EOMES: variants seen among roughly 807,000 people sequenced by gnomAD.
EOMES encodes eomesodermin homolog.
In EOMES, 18 loss-of-function variants were observed where a neutral mutation model predicts 61.0. The observed-to-expected ratio is 0.30, with a 90% CI of 0.20 to 0.44. EOMES has a LOEUF of 0.44. Ranked by LOEUF, EOMES falls within the 20% of genes least tolerant of loss-of-function variation. The pLI is 1.00. For synonymous variants in EOMES, 430 were observed against 394.0 expected (o/e 1.09, Z -1.08); for missense variants, 885 against 939.2 (o/e 0.94, Z 0.75).
chr3:27,718,772 G>A lies in EOMES; in HGVS notation c.1280C>T (p.Thr427Met). The A allele has an allele frequency of 6.2e-7, 1 of 1,614,160 alleles. No homozygotes were observed. The highest frequency in any genetic ancestry group is 8.5e-7 in the Non-Finnish European group (1 of 1,180,014). Residue 427 changes from threonine (T) to methionine (M), a missense_variant, in exon 4 of 6, where the codon ACG (threonine) becomes ATG (methionine). Coordinates refer to ENST00000449599, the MANE Select transcript of EOMES (RefSeq NM_001278182.2). Reference protein sequence around the residue: ...SKTQTFTFSETQFIAVTAYQN... With the variant: ...SKTQTFTFSEMQFIAVTAYQN... ...GTAGGCAGTCACTGCAATGAATTGCGTTTCTGAGAAGGTAAAAGTCTGGGT... is the reference window on the plus strand; with the variant it reads ...GTAGGCAGTCACTGCAATGAATTGCATTTCTGAGAAGGTAAAAGTCTGGGT...
At position 27,717,005 on chromosome 3, in the gene EOMES, C is replaced by A; in HGVS notation, c.*65G>T. 7.6e-7 allele frequency: 1 copy of A among 1,316,524 alleles called. No homozygotes were observed. The highest frequency in any genetic ancestry group is 1.0e-6 in the Non-Finnish European group (1 of 953,766). 81.6% of individuals were successfully genotyped at this position (1,316,524 alleles called of 1,614,324 possible). ...TTTTTGGCAACCTAGGCAAAGAAGA[C>A]AACAAAAAACACCACCAAGTCCATC... On this transcript the variant is annotated 3_prime_UTR_variant, in exon 6 of 6. Coordinates refer to ENST00000449599, the MANE Select transcript of EOMES (RefSeq NM_001278182.2). The surrounding 1 kb of genome is among the most constrained non-coding windows in gnomAD (Gnocchi z 4.5).
intron 2 of EOMES, among the ~76,000 whole-genome samples, chr3:27,719,876 C>A (rs996085546): frequency 1.3e-5 from 2 of 152,052 alleles, no homozygotes; most frequent in East Asian, 1.9e-4. Context: ...ATCCCAGGAG[C>A]CCTTCCCACC....
chr3:27,721,972 G>T lies in EOMES; in HGVS notation c.323C>A (p.Pro108His). 6.9e-7 allele frequency: 1 copy of T among 1,450,380 alleles called. No individual in the cohort carries two copies. Among genetic ancestry groups the T allele is most frequent in the Admixed American group, 3.3e-5 (1 of 30,008 alleles). The allele number at this position is 1,450,380 out of a possible 1,614,324, so 89.8% of individuals were successfully genotyped here. ...PGPPDGRKGS[P>H]CGEEELPSAA... ...GGAGGGCAGCTCCTCCTCCCCGCAG[G>T]GGGAGCCCTTGCGGCCGTCCGGGGG... The change falls in exon 1 of 6, where the codon CCC becomes CAC. Residue 108 changes from proline (P) to histidine (H), a missense_variant. By Grantham distance (77) the Pro-to-His change is moderately conservative (BLOSUM62 -2). Transcript: ENST00000449599. The surrounding 1 kb of genome is among the most constrained non-coding windows in gnomAD (Gnocchi z 7.4).
chr3:27,719,010 C>A, intron 3 of EOMES, 117 bp from the exon 4 acceptor site: 1 of 775,038 alleles, frequency 1.3e-6, no homozygotes, highest in Non-Finnish European at 2.0e-6. Flanking sequence ...TCCTCACTAA[C>A]AGCTTTGTTT....
In EOMES at chr3:27,717,379, C is replaced by T; in HGVS notation, c.1809G>A (p.Lys603=). The change falls in exon 6 of 6, where the codon AAG becomes AAA. Residue 603 remains lysine, a synonymous_variant. Transcript: ENST00000449599. The surrounding 1 kb of genome is among the most constrained non-coding windows in gnomAD (Gnocchi z 4.5). ...AGGTCCATGGTAGTCCAGCTGCCAT[C>T]TTCCTCTGGTAAGAACCTCGACCTC... ...GWGGRGSYQR[K]MAAGLPWTSR... is the part of the protein sequence containing the mutation. The T allele has an allele frequency of 6.2e-7, 1 of 1,614,188 alleles. No individual in the cohort carries two copies.
At chr3:27,719,271 T>TA in intron 3 of EOMES, 89 bp downstream of exon 3, 1 of 1,331,322 alleles carries the variant, frequency 7.5e-7, no homozygotes, top group Non-Finnish European at 1.1e-6. Flanking sequence ...GCAAATATTA[T>TA]AAATACAGTG....
rs1225079982 is a variant in EOMES at position 27,721,836 on chromosome 3, C to T, written c.459G>A (p.Gly153=). 8 of 1,518,400 alleles carry T rather than the reference C, an allele frequency of 5.3e-6. No homozygotes were observed. In the African/African-American group the frequency reaches 1.2e-4, roughly 22 times the overall value. 94.1% of individuals were successfully genotyped at this position (1,518,400 alleles called of 1,614,324 possible). ...GTGAGCAGGGCGCAGCCAGCTCCGA[C>T]CCCTGAGGACCGGGGGACTGGAGGT... ...RYYLQSPGPQ[G]SELAAPCSLF... Residue 153 remains glycine (G), a synonymous_variant, in exon 1 of 6, where the codon GGG becomes GGA. Coordinates refer to ENST00000449599, the MANE Select transcript of EOMES (RefSeq NM_001278182.2). The surrounding 1 kb of genome is among the most constrained non-coding windows in gnomAD (Gnocchi z 7.4).
At chr3:27,719,265 A>T in intron 3 of EOMES, 95 bp downstream of exon 3, 1 of 1,290,230 alleles carries the variant, frequency 7.8e-7, no homozygotes, top group South Asian at 1.4e-5. Context: ...ACAAATGCAA[A>T]TATTATAAAT....
rs1014742314 is a variant in EOMES at position 27,717,445 on chromosome 3, C to G, written c.1743G>C (p.Gly581=). 3.1e-6 allele frequency: 5 copies of G among 1,614,188 alleles called. No individual in the cohort carries two copies. The highest frequency in any genetic ancestry group is 4.2e-6 in the Non-Finnish European group (5 of 1,180,026). ...CAGGAAAGGTTGGGTCTGGGTAATA[C>G]CCCAGGGCATGGGATGTCTGAAGGG... ...SLPLQTSHAL[G]YYPDPTFPAM... is the part of the protein sequence containing the mutation. Residue 581 remains glycine, a synonymous_variant, in exon 6 of 6, where the codon GGG becomes GGC. Coordinates refer to ENST00000449599, the MANE Select transcript of EOMES (RefSeq NM_001278182.2). The surrounding 1 kb of genome is among the most constrained non-coding windows in gnomAD (Gnocchi z 4.5).
At position 27,722,193 on chromosome 3, in the gene EOMES, GCCAGCGCTC is replaced by G; in HGVS notation, c.93_101del (p.Ser32_Gly34del). ...GAGAGGGGGCCGCGCTGGGGAGGTGGCCAGCGCTCCCGCCGCTGCCGCCTCGCGCACTCT... is the reference window on the plus strand; with the variant it reads ...GAGAGGGGGCCGCGCTGGGGAGGTGGCCGCCGCTGCCGCCTCGCGCACTCT... On this transcript the variant is annotated inframe_deletion, in exon 1 of 6. Transcript: ENST00000449599. 6.3e-7 allele frequency: 1 copy of G among 1,599,062 alleles called. No homozygotes were observed. The highest frequency in any genetic ancestry group is 8.5e-7 in the Non-Finnish European group (1 of 1,174,422).
intron 2 of EOMES, among the ~76,000 whole-genome samples, 200 bp from the exon 3 acceptor site, chr3:27,719,681 A>G (rs2060596094): frequency 6.6e-6 from 1 of 152,100 alleles, no homozygotes; most frequent in African/African-American, 2.4e-5. Context: ...TGTGCTTCCA[A>G]CCTTCCTTGC....
At position 27,721,776 on chromosome 3, in the gene EOMES, G is replaced by C; in HGVS notation, c.519C>G (p.His173Gln). 6.7e-7 allele frequency: 1 copy of C among 1,498,780 alleles called. No individual in the cohort carries two copies. The highest frequency in any genetic ancestry group is 8.8e-7 in the Non-Finnish European group (1 of 1,136,094). The allele number at this position is 1,498,780 out of a possible 1,614,324, so 92.8% of individuals were successfully genotyped here. The change falls in exon 1 of 6, where the codon CAC becomes CAG. Residue 173 changes from histidine to glutamine, a missense_variant. This residue lies in a region of EOMES where 449 missense variants were observed against 383.6 expected (regional missense o/e 1.17). Coordinates refer to ENST00000449599, the MANE Select transcript of EOMES (RefSeq NM_001278182.2). The surrounding 1 kb of genome is among the most constrained non-coding windows in gnomAD (Gnocchi z 7.4). ...CGTTAGGAGCCGGGTACACAGGTCC[G>C]TGGGGCGCCCCAGCCGCCGCCTGGT... is the stretch of plus-strand genomic sequence containing the variant. ...FPYQAAAGAP[H>Q]GPVYPAPNGA...
chr3:27,722,082 G>A lies in EOMES; in HGVS notation c.213C>T (p.Ala71=). ...CEAVSGEPAA[A]SAGAPAAMLS... ...GCATGGCCGCGGGGGCCCCTGCGCT[G>A]GCGGCTGCGGGCTCCCCGCTCACCG... The change falls in exon 1 of 6, where the codon GCC becomes GCT. Residue 71 remains alanine, a synonymous_variant. Coordinates refer to ENST00000449599, the MANE Select transcript of EOMES (RefSeq NM_001278182.2). The A allele has an allele frequency of 1.3e-6, 2 of 1,547,920 alleles. No individual in the cohort carries two copies. Among genetic ancestry groups the A allele is most frequent in the Non-Finnish European group, 1.7e-6 (2 of 1,146,042 alleles).
In EOMES at chr3:27,722,010, C is replaced by T. The variant is rs1414590515; in HGVS notation, c.285G>A (p.Val95=). 1 of 1,505,458 alleles carries T rather than the reference C, an allele frequency of 6.6e-7. No individual in the cohort carries two copies. The highest frequency in any genetic ancestry group is 2.3e-5 in the Admixed American group (1 of 43,954). 93.3% of individuals were successfully genotyped at this position (1,505,458 alleles called of 1,614,324 possible). A position where few individuals can be genotyped will look rare whatever the true frequency, so the allele number is the denominator to read the frequency against. ...GGCCGTCCGGGGGCCCCGGCTTGGC[C>T]ACTGCCGCAGCGCTGGCAAATGCGT... The part of the protein sequence containing the change: ...AGDAFASAAA[V]AKPGPPDGRK... Residue 95 remains valine (V), a synonymous_variant, in exon 1 of 6, where the codon GTG becomes GTA. Coordinates refer to ENST00000449599, the MANE Select transcript of EOMES (RefSeq NM_001278182.2).
At chr3:27,720,137 G>A in intron 2 of EOMES, 34 bp downstream of exon 2, 1 of 1,522,938 alleles carries the variant, frequency 6.6e-7, no homozygotes, top group Non-Finnish European at 8.8e-7. Flanking sequence ...CTTCCCGCCC[G>A]TTCCTCCCCG....
In EOMES at chr3:27,717,913, C is replaced by G; in HGVS notation, c.1380-105G>C. On this transcript the variant is annotated intron_variant, in intron 5 of 5. Coordinates refer to ENST00000449599, the MANE Select transcript of EOMES (RefSeq NM_001278182.2). The surrounding 1 kb of genome is among the most constrained non-coding windows in gnomAD (Gnocchi z 4.5). The stretch of plus-strand genomic sequence containing the variant: ...AAAGGCTTGTGTTGGTTATCTACAC[C>G]GAAAGTGCTGGTCTGTTGGGCTGAA... 1.2e-6 allele frequency: 1 copy of G among 813,238 alleles called. No homozygotes were observed. The highest frequency in any genetic ancestry group is 1.9e-6 in the Non-Finnish European group (1 of 538,482). The allele number at this position is 813,238 out of a possible 1,614,324, so 50.4% of individuals were successfully genotyped here. A position where few individuals can be genotyped will look rare whatever the true frequency, so the allele number is the denominator to read the frequency against.
In EOMES at chr3:27,721,764, G is replaced by A; in HGVS notation, c.531C>T (p.Tyr177=). Residue 177 remains tyrosine (Y), a synonymous_variant, in exon 1 of 6, where the codon TAC becomes TAT. Transcript: ENST00000449599. This position sits in a 1 kb window ranked among gnomAD's most constrained non-coding sequence, Gnocchi z 7.4. ...GGTAGCGCGCCCCGTTAGGAGCCGG[G>A]TACACAGGTCCGTGGGGCGCCCCAG... is the stretch of plus-strand genomic sequence containing the variant. The part of the protein sequence containing the change: ...AAAGAPHGPV[Y]PAPNGARYPY... The A allele has an allele frequency of 6.7e-7, 1 of 1,496,304 alleles. No individual in the cohort carries two copies. The highest frequency in any genetic ancestry group is 8.8e-7 in the Non-Finnish European group (1 of 1,134,676). The allele number at this position is 1,496,304 out of a possible 1,614,324, so 92.7% of individuals were successfully genotyped here.
rs368153859 is a variant in EOMES at position 27,717,226 on chromosome 3, T to C, written c.1962A>G (p.Val654=). ...GCCTTCGCTTACAAGCACTGGTGTA[T>C]ACTCCTGAATCATTGGAATCTAGAG... The part of the protein sequence containing the change: ...IKSLDSNDSG[V]YTSACKRRRL... Residue 654 remains valine (V), a synonymous_variant, in exon 6 of 6, where the codon GTA becomes GTG. Coordinates refer to ENST00000449599, the MANE Select transcript of EOMES (RefSeq NM_001278182.2). This position sits in a 1 kb window ranked among gnomAD's most constrained non-coding sequence, Gnocchi z 4.5. 7.4e-6 allele frequency: 12 copies of C among 1,613,894 alleles called. No individual in the cohort carries two copies. The highest frequency in any genetic ancestry group is 1.3e-5 in the African/African-American group (1 of 74,914).
At chr3:27,719,047 G>GC (rs57111796) in intron 3 of EOMES, among the ~76,000 whole-genome samples, 154 bp from the exon 4 acceptor site, 6,285 of 149,784 alleles carry the variant, frequency 0.042, 365 homozygotes, top group African/African-American at 0.13. Flanking sequence ...TCTCATTATT[G>GC]CCCCCCCCCT....
Sources: allele counts gnomAD v4.1 joint callset (sites outside exome capture counted in the v4.1 genomes callset), GRCh38; gene constraint gnomAD v4.1.1; regional missense constraint gnomAD v4.1.1; non-coding constraint Gnocchi (gnomAD v3.1); transcripts MANE v1.5; gene names NCBI Gene and HGNC (gene_info 2026-07-23, HGNC 2026-07-21).